Variants in SPATA9 observed in about 807,000 individuals in gnomAD.
SPATA9 encodes the protein spermatogenesis-associated protein 9.
SPATA9 carries 27 observed loss-of-function variants against 25.5 expected under a neutral mutation model. The ratio of observed to expected loss-of-function variants is 1.06; its 90% CI spans 0.78 to 1.46. The LOEUF is 1.46. Ranked by LOEUF, SPATA9 falls within the 40% of genes most tolerant of loss-of-function variation. The pLI is 0.00. For missense variants in SPATA9, 282 were observed against 297.5 expected (o/e 0.95, Z 0.38); for synonymous variants, 102 against 105.7 (o/e 0.97, Z 0.21).
At chr5:95,680,150 G>A (rs1012790209) in intron 2 of SPATA9, among the ~76,000 whole-genome samples, 2 of 152,130 alleles carry the variant, frequency 1.3e-5, no homozygotes, top group Non-Finnish European at 1.5e-5. Context: ...CGCCTGCCTC[G>A]GCCTCCCAAA....
the SPATA9 span, chr5:95,731,772 G>A: frequency 1.1e-5 from 17 of 1,604,946 alleles, no homozygotes; most frequent in African/African-American, 2.0e-4. Flanking sequence ...TCCTCGCCGC[G>A]CGCTGTCCCC....
At chr5:95,704,056 T>TACACAC in the SPATA9 span, among the ~76,000 whole-genome samples, 15 of 150,600 alleles carry the variant, frequency 1.0e-4, no homozygotes, top group African/African-American at 3.7e-4. Flanking sequence ...ACAGTGCATA[T>TACACAC]ACACACATAC....
chr5:95,677,176 A>G (rs1753015747), intron 2 of SPATA9, among the ~76,000 whole-genome samples: 1 of 152,122 alleles, frequency 6.6e-6, no homozygotes, highest in Non-Finnish European at 1.5e-5. Context: ...TCTCCTTAAC[A>G]CTTACACTAA....
chr5:95,676,204 C>A (rs1752939350), intron 2 of SPATA9, among the ~76,000 whole-genome samples: 1 of 152,110 alleles, frequency 6.6e-6, no homozygotes, highest in South Asian at 2.1e-4. Flanking sequence ...ACAAATGTTT[C>A]ATTTTCCTCC....
the SPATA9 span, among the ~76,000 whole-genome samples, chr5:95,729,197 A>G: frequency 6.6e-6 from 1 of 152,196 alleles, no homozygotes; most frequent in Non-Finnish European, 1.5e-5. Flanking sequence ...ACTGGCTTTC[A>G]CTTTATGGAC....
chr5:95,656,202 A>T (rs150745246), downstream of SPATA9: 23 of 1,613,920 alleles, frequency 1.4e-5, no homozygotes, highest in Non-Finnish European at 1.8e-5. Flanking sequence ...TCACACAGTG[A>T]CAGTAGACAA....
chr5:95,731,639 G>T, the SPATA9 span: 23 of 1,611,930 alleles, frequency 1.4e-5, no homozygotes, highest in Non-Finnish European at 2.0e-5. Context: ...GCCGTGAGCC[G>T]CTGCTTTTCT....
upstream of SPATA9, among the ~76,000 whole-genome samples, chr5:95,703,605 G>C (rs533532088): frequency 5.9e-4 from 90 of 151,768 alleles, 1 homozygote; most frequent in African/African-American, 1.8e-3. Context: ...CTGCATTCCA[G>C]CCTGGGCAAT....
intron 3 of SPATA9, among the ~76,000 whole-genome samples, chr5:95,668,638 T>G (rs1752053646): frequency 6.6e-6 from 1 of 152,250 alleles, no homozygotes; most frequent in Non-Finnish European, 1.5e-5. Context: ...AATGTCTTGG[T>G]ATCAATGTTA....
chr5:95,684,129 C>G (rs115745060), upstream of SPATA9, among the ~76,000 whole-genome samples: 411 of 152,250 alleles, frequency 2.7e-3, 2 homozygotes, highest in African/African-American at 6.1e-3. Flanking sequence ...AAAATAGAAC[C>G]TGCTTGCCTC....
At chr5:95,711,952 A>G in the SPATA9 span, among the ~76,000 whole-genome samples, 2 of 152,330 alleles carry the variant, frequency 1.3e-5, no homozygotes, top group African/African-American at 4.8e-5. Flanking sequence ...AACTTGGGCC[A>G]TTCTACTTTA....
chr5:95,667,497 A>T (rs111748502), intron 3 of SPATA9, among the ~76,000 whole-genome samples: 2,720 of 152,268 alleles, frequency 0.018, 89 homozygotes, highest in African/African-American at 0.06. Context: ...CAGGAAATGA[A>T]GCAGCTGCTG....
upstream of SPATA9, among the ~76,000 whole-genome samples, chr5:95,687,038 G>A (rs1437364735): frequency 6.6e-6 from 1 of 152,216 alleles, no homozygotes; most frequent in Non-Finnish European, 1.5e-5. Flanking sequence ...TACATCAGTA[G>A]TGGTACCTAT....
upstream of SPATA9, among the ~76,000 whole-genome samples, chr5:95,699,206 G>C (rs1344671892): frequency 6.6e-6 from 1 of 152,226 alleles, no homozygotes; most frequent in Non-Finnish European, 1.5e-5. Flanking sequence ...GCTAACCTGA[G>C]TTCATATCCT....
chr5:95,727,857 C>T, the SPATA9 span, among the ~76,000 whole-genome samples: 1 of 152,194 alleles, frequency 6.6e-6, no homozygotes, highest in Admixed American at 6.5e-5. Flanking sequence ...TGGCTCAACT[C>T]ACTGAATATC....
At chr5:95,653,863 A>G (rs1398386610), downstream of SPATA9, among the ~76,000 whole-genome samples, 2 of 152,116 alleles carry the variant, frequency 1.3e-5, no homozygotes, top group Non-Finnish European at 2.9e-5. Flanking sequence ...GTGCTACTGC[A>G]CTCCAGCCTG....
the SPATA9 span, among the ~76,000 whole-genome samples, chr5:95,711,148 A>G: frequency 6.6e-6 from 1 of 152,168 alleles, no homozygotes; most frequent in Non-Finnish European, 1.5e-5. Flanking sequence ...AGGAGATACC[A>G]GTGAAAATCG....
At chr5:95,706,305 C>T in the SPATA9 span, among the ~76,000 whole-genome samples, 9 of 151,740 alleles carry the variant, frequency 5.9e-5, no homozygotes, top group South Asian at 2.1e-4. Context: ...TGGATCATGG[C>T]GGTGGATTTC....
At chr5:95,684,623 A>G (rs1310177936), upstream of SPATA9, 1 of 152,244 alleles carries the variant, frequency 6.6e-6, no homozygotes, top group Non-Finnish European at 1.5e-5. Context: ...AGAGTGGTGA[A>G]AAATGACAGA....
Sources: allele counts gnomAD v4.1 joint callset (sites outside exome capture counted in the v4.1 genomes callset), GRCh38; gene constraint gnomAD v4.1.1; transcripts MANE v1.5; gene names NCBI Gene and HGNC (gene_info 2026-07-23, HGNC 2026-07-21).